Variants in GUCY1A1 observed in about 807,000 individuals in gnomAD.
The protein encoded by GUCY1A1 is guanylate cyclase 1 soluble subunit alpha 1.
A neutral mutation model predicts 64.5 loss-of-function variants in GUCY1A1; 48 were observed. The ratio of observed to expected loss-of-function variants is 0.74; its 90% CI spans 0.59 to 0.95. The LOEUF (loss-of-function observed/expected upper bound fraction) is 0.95, where lower values mean the gene tolerates loss of function less well. Among genes scored for constraint, GUCY1A1 ranks in the 40% least tolerant of loss-of-function variants. The pLI is 0.00. For missense variants in GUCY1A1, 804 were observed against 825.3 expected, an observed-to-expected ratio of 0.97 and a Z score of 0.32; for synonymous variants, 308 against 303.4, an observed-to-expected ratio of 1.02 and a Z score of -0.16.
chr4:155,705,004 C>T (rs1007870720), intron 4 of GUCY1A1, among the ~76,000 whole-genome samples: 1 of 152,200 alleles, frequency 6.6e-6, no homozygotes, highest in Non-Finnish European at 1.5e-5. Flanking sequence ...CCACATCAAC[C>T]TCTCGAGCAG....
intron 3 of GUCY1A1, among the ~76,000 whole-genome samples, chr4:155,703,207 C>T (rs1731321930): frequency 6.6e-6 from 1 of 151,976 alleles, no homozygotes; most frequent in Non-Finnish European, 1.5e-5. Flanking sequence ...AATAAGGAAA[C>T]TCATGAAATT....
At chr4:155,669,264 T>C (rs1240310319) in intron 2 of GUCY1A1, among the ~76,000 whole-genome samples, 6 of 152,226 alleles carry the variant, frequency 3.9e-5, no homozygotes, top group African/African-American at 1.4e-4. Flanking sequence ...ATATTTATAC[T>C]TTATATTGTA....
chr4:155,724,172 A>T (rs191148901), intron 9 of GUCY1A1, among the ~76,000 whole-genome samples: 1 of 152,158 alleles, frequency 6.6e-6, no homozygotes, highest in African/African-American at 2.4e-5. Flanking sequence ...CCCCTGGTTG[A>T]TACAGTTTTA....
intron 2 of GUCY1A1, among the ~76,000 whole-genome samples, chr4:155,675,111 C>T (rs781453897): frequency 6.6e-5 from 10 of 151,568 alleles, no homozygotes; most frequent in Non-Finnish European, 1.2e-4. Flanking sequence ...TGTTATTTGG[C>T]ACGTGACAGT....
intron 7 of GUCY1A1, among the ~76,000 whole-genome samples, 169 bp from the exon 8 acceptor site, chr4:155,716,990 C>T (rs3796586): frequency 0.4 from 60,134 of 151,792 alleles, 12,136 homozygotes; most frequent in African/African-American, 0.47. Flanking sequence ...CTAAACCTTG[C>T]GCATTTCCTG....
At chr4:155,671,153 G>T (rs949024907) in intron 2 of GUCY1A1, among the ~76,000 whole-genome samples, 3 of 152,130 alleles carry the variant, frequency 2.0e-5, no homozygotes, top group Admixed American at 6.5e-5. Flanking sequence ...ATGCTTTGAT[G>T]CTACCACATG....
At chr4:155,717,395 T>TGA (rs149094442) in intron 8 of GUCY1A1, 93 bp downstream of exon 8, 11 of 880,904 alleles carry the variant, frequency 1.2e-5, no homozygotes, top group East Asian at 6.3e-5. Context: ...GGGGGTTAGT[T>TGA]GAGAGAGAGA....
intron 7 of GUCY1A1, among the ~76,000 whole-genome samples, chr4:155,716,521 G>A (rs1733253293): frequency 6.6e-6 from 1 of 152,132 alleles, no homozygotes; most frequent in South Asian, 2.1e-4. Context: ...ATAATAGCTT[G>A]ATTTCCAGTG....
chr4:155,676,522 A>G (rs575913292), intron 2 of GUCY1A1, among the ~76,000 whole-genome samples: 2 of 151,606 alleles, frequency 1.3e-5, no homozygotes, highest in East Asian at 3.9e-4. Context: ...TTTTGTACAC[A>G]GTGAAAAGGT....
rs59209348 is a variant in GUCY1A1 at position 155,733,352 on chromosome 4, A to G, written c.*3121A>G. On this transcript the variant is annotated 3_prime_UTR_variant, in exon 10 of 10. Coordinates refer to ENST00000506455, the MANE Select transcript of GUCY1A1 (RefSeq NM_001130682.3). ...GGTCCAGGAAAATAAATCAGCACAC[A>G]AAGAGATGGGGTCTTGAGGGTGCAT... Among the ~76,000 whole-genome samples the G allele has an allele frequency of 7.6e-4, 116 of 151,786 alleles. 1 individual carries two copies. The highest frequency in any genetic ancestry group is 2.5e-3 in the African/African-American group (103 of 41,462).
intron 2 of GUCY1A1, among the ~76,000 whole-genome samples, chr4:155,680,280 A>C (rs1411361506): frequency 6.6e-6 from 1 of 152,330 alleles, no homozygotes. Flanking sequence ...CTAAGTATTT[A>C]TTAACAGTAT....
intron 2 of GUCY1A1, among the ~76,000 whole-genome samples, chr4:155,692,911 T>C (rs950496675): frequency 6.6e-6 from 1 of 151,768 alleles, no homozygotes; most frequent in African/African-American, 2.4e-5. Context: ...ATACAAAAAT[T>C]AGCTGGGCAT....
chr4:155,729,954 C>A, intron 9 of GUCY1A1, 76 bp from the exon 10 acceptor site: 2 of 866,954 alleles, frequency 2.3e-6, no homozygotes, highest in Non-Finnish European at 3.8e-6. Flanking sequence ...TTCTCAGTAA[C>A]ATTCAGTTAG....
chr4:155,679,221 A>T (rs896624758), intron 2 of GUCY1A1, among the ~76,000 whole-genome samples: 11 of 151,704 alleles, frequency 7.3e-5, no homozygotes, highest in Non-Finnish European at 1.3e-4. Context: ...TTTGCTTCAA[A>T]CCTGGTCACA....
chr4:155,697,879 G>T (rs539076554), intron 3 of GUCY1A1, among the ~76,000 whole-genome samples: 1 of 152,258 alleles, frequency 6.6e-6, no homozygotes, highest in South Asian at 2.1e-4. Context: ...GCAGTTGAAG[G>T]TCTTCATGAT....
chr4:155,703,893 T>C (rs1309458632), intron 3 of GUCY1A1, 39 bp from the exon 4 acceptor site: 3 of 1,282,516 alleles, frequency 2.3e-6, no homozygotes, highest in East Asian at 2.3e-5. Flanking sequence ...CAAATTATTA[T>C]ATAAGGGAAT....
chr4:155,669,072 G>A (rs939268187), intron 2 of GUCY1A1, among the ~76,000 whole-genome samples: 4 of 152,116 alleles, frequency 2.6e-5, no homozygotes, highest in Non-Finnish European at 5.9e-5. Flanking sequence ...TCTACATACA[G>A]CCTGCAGACA....
intron 8 of GUCY1A1, among the ~76,000 whole-genome samples, chr4:155,718,750 G>T (rs1733586849): frequency 6.6e-6 from 1 of 152,130 alleles, no homozygotes; most frequent in Non-Finnish European, 1.5e-5. Flanking sequence ...GGTGGAAGCT[G>T]CATGACTTAG....
chr4:155,729,969 G>A, intron 9 of GUCY1A1, 61 bp from the exon 10 acceptor site: 1 of 1,000,256 alleles, frequency 1.0e-6, no homozygotes, highest in Non-Finnish European at 1.6e-6. Context: ...AGTTAGTTAT[G>A]TTGTGTTCTT....
Sources: gnomAD v4.1 joint callset for allele counts (sites outside exome capture counted in the v4.1 genomes callset) on GRCh38, gnomAD v4.1.1 for gene constraint, MANE v1.5 for transcripts, NCBI Gene and HGNC (gene_info 2026-07-23, HGNC 2026-07-21) for gene names.